SLC35F1: variants seen among roughly 807,000 people sequenced by gnomAD.
SLC35F1 encodes the protein solute carrier family 35 member F1.
In SLC35F1, 14 loss-of-function variants were observed where a neutral mutation model predicts 48.7. That is an observed-to-expected ratio of 0.29 (90% CI 0.19 to 0.45). The LOEUF (loss-of-function observed/expected upper bound fraction) is 0.45. Among genes scored for constraint, SLC35F1 ranks in the 20% least tolerant of loss-of-function variants. The probability of loss-of-function intolerance (pLI) is 1.00; values close to 1 mark genes in which losing one functional copy is unlikely to be tolerated. For missense variants in SLC35F1, 404 were observed against 500.0 expected, an observed-to-expected ratio of 0.81 and a Z score of 1.83; for synonymous variants, 190 against 202.2, an observed-to-expected ratio of 0.94 and a Z score of 0.51.
chr6:118,021,295 G>T (rs1022666904), intron 1 of SLC35F1, among the ~76,000 whole-genome samples: 3 of 152,148 alleles, frequency 2.0e-5, no homozygotes, highest in South Asian at 2.1e-4. Flanking sequence ...GCTGTAGACT[G>T]GTACTGAAAT....
intron 1 of SLC35F1, among the ~76,000 whole-genome samples, chr6:118,032,793 T>G (rs1772073592): frequency 6.6e-6 from 1 of 152,230 alleles, no homozygotes; most frequent in South Asian, 2.1e-4. Context: ...AGGTCTTTAC[T>G]TATTTAATAC....
chr6:117,974,348 T>C (rs1216659673), intron 1 of SLC35F1, among the ~76,000 whole-genome samples: 1 of 152,226 alleles, frequency 6.6e-6, no homozygotes, highest in East Asian at 1.9e-4. Flanking sequence ...TTTCACATGA[T>C]AGATACTCAG....
chr6:118,002,989 C>G lies in SLC35F1; in HGVS notation c.173+95090C>G, dbSNP rs567332432. ...CTGTGGCTATGAAGTCAGTCTTATG[C>G]AGTATTGTTATCTCTGCACACAATA... On this transcript the variant is annotated intron_variant, in intron 1 of 7. Transcript: ENST00000360388. 5.9e-5 allele frequency among the ~76,000 whole-genome samples: 9 copies of G among 152,256 alleles called. No homozygotes were observed. The East Asian group carries it at 1.3e-3, about 23-fold the overall frequency.
chr6:118,103,057 A>G (rs1420838534), intron 1 of SLC35F1, among the ~76,000 whole-genome samples: 1 of 152,158 alleles, frequency 6.6e-6, no homozygotes, highest in African/African-American at 2.4e-5. Context: ...AAATAAGTCA[A>G]CATTTCTATA....
intron 1 of SLC35F1, among the ~76,000 whole-genome samples, chr6:117,993,914 C>T (rs566291596): frequency 2.0e-5 from 3 of 152,294 alleles, no homozygotes; most frequent in African/African-American, 7.2e-5. Context: ...TACTTAGTGA[C>T]TTGAAACAAT....
chr6:118,115,029 GCCTTGA>G (rs1773458198), intron 1 of SLC35F1, among the ~76,000 whole-genome samples: 1 of 152,158 alleles, frequency 6.6e-6, no homozygotes, highest in South Asian at 2.1e-4. Context: ...AAGGAGGCTA[GCCTTGA>G]CCTTAAGTGT....
At chr6:118,143,980 G>A (rs1188164649) in intron 1 of SLC35F1, among the ~76,000 whole-genome samples, 1 of 152,136 alleles carries the variant, frequency 6.6e-6, no homozygotes, top group African/African-American at 2.4e-5. Context: ...TACCAACCAA[G>A]CTAGTGATTT....
chr6:118,235,242 C>T (rs1775346948), intron 2 of SLC35F1, among the ~76,000 whole-genome samples: 2 of 152,118 alleles, frequency 1.3e-5, no homozygotes, highest in South Asian at 4.1e-4. Flanking sequence ...CATTTATTCA[C>T]ACACAAAAGA....
At chr6:118,137,426 G>T (rs1166345812) in intron 1 of SLC35F1, among the ~76,000 whole-genome samples, 1 of 152,110 alleles carries the variant, frequency 6.6e-6, no homozygotes, top group African/African-American at 2.4e-5. Context: ...AATTGTCTTG[G>T]ATCTGGACTC....
intron 1 of SLC35F1, among the ~76,000 whole-genome samples, chr6:118,118,855 A>G (rs953412): frequency 0.054 from 8,159 of 152,102 alleles, 315 homozygotes; most frequent in Non-Finnish European, 0.082. Context: ...ATTGATACCC[A>G]TGGTAAGATG....
At chr6:117,976,612 T>C (rs959339610) in intron 1 of SLC35F1, among the ~76,000 whole-genome samples, 18 of 152,200 alleles carry the variant, frequency 1.2e-4, no homozygotes, top group African/African-American at 4.1e-4. Flanking sequence ...ATTTATTGCC[T>C]TGTACAGGTC....
chr6:118,297,417 T>C (rs925361665), intron 7 of SLC35F1, among the ~76,000 whole-genome samples: 1 of 152,010 alleles, frequency 6.6e-6, no homozygotes, highest in Non-Finnish European at 1.5e-5. Context: ...ATTTGACCAT[T>C]TGTAGAGAAT....
chr6:118,069,926 G>A (rs1772673663), intron 1 of SLC35F1, among the ~76,000 whole-genome samples: 2 of 151,150 alleles, frequency 1.3e-5, no homozygotes, highest in East Asian at 1.9e-4. Context: ...CATGAGGTCA[G>A]GAGATCAAGA....
At chr6:118,122,396 G>A (rs1006401427) in intron 1 of SLC35F1, among the ~76,000 whole-genome samples, 1 of 152,138 alleles carries the variant, frequency 6.6e-6, no homozygotes, top group Non-Finnish European at 1.5e-5. Flanking sequence ...AAAGAATTCA[G>A]TACCAAGCAA....
chr6:118,186,781 T>C (rs1261447080), intron 2 of SLC35F1, among the ~76,000 whole-genome samples: 4 of 152,156 alleles, frequency 2.6e-5, no homozygotes, highest in Non-Finnish European at 5.9e-5. Flanking sequence ...CCCAGGGAAA[T>C]GGTGAACTCA....
intron 2 of SLC35F1, among the ~76,000 whole-genome samples, chr6:118,164,758 A>G (rs1332475613): frequency 1.3e-5 from 2 of 152,226 alleles, no homozygotes; most frequent in Non-Finnish European, 2.9e-5. Flanking sequence ...GGAGACTCTG[A>G]AATTCAATGA....
chr6:118,057,290 A>G (rs1048072622), intron 1 of SLC35F1, among the ~76,000 whole-genome samples: 1 of 152,156 alleles, frequency 6.6e-6, no homozygotes, highest in Non-Finnish European at 1.5e-5. Flanking sequence ...TATAGGCTTT[A>G]ATAGTGAAAT....
At chr6:118,193,192 C>T (rs1269594816) in intron 2 of SLC35F1, among the ~76,000 whole-genome samples, 1 of 152,090 alleles carries the variant, frequency 6.6e-6, no homozygotes, top group Admixed American at 6.6e-5. Context: ...TTAATGTCAA[C>T]CTCAACTTTT....
At chr6:118,069,884 C>T (rs1454370683) in intron 1 of SLC35F1, among the ~76,000 whole-genome samples, 2 of 152,018 alleles carry the variant, frequency 1.3e-5, no homozygotes, top group Non-Finnish European at 2.9e-5. Flanking sequence ...CGCCTGTAAT[C>T]CCAGCACTTT....
Sources: allele counts gnomAD v4.1 joint callset (sites outside exome capture counted in the v4.1 genomes callset), GRCh38; gene constraint gnomAD v4.1.1; transcripts MANE v1.5; gene names NCBI Gene and HGNC (gene_info 2026-07-23, HGNC 2026-07-21).